BIRC6: variants seen among roughly 807,000 people sequenced by gnomAD.
BIRC6 encodes the protein dual E2 ubiquitin-conjugating enzyme/E3 ubiquitin-protein ligase BIRC6.
BIRC6 carries 98 observed loss-of-function variants against 503.3 expected under a neutral mutation model. The observed-to-expected ratio is 0.19, with a 90% CI of 0.17 to 0.23. The LOEUF is 0.23. Among genes scored for constraint, BIRC6 ranks in the 10% least tolerant of loss-of-function variants. The pLI, the probability that BIRC6 is intolerant of heterozygous loss-of-function variation, is 1.00. For synonymous variants in BIRC6, 2,240 were observed against 2,078.7 expected (o/e 1.08, Z -2.11); for missense variants, 5,360 against 5,806.0 (o/e 0.92, Z 2.50).
intron 29 of BIRC6, 141 bp from the exon 30 acceptor site, chr2:32,469,254 G>A: frequency 1.5e-6 from 1 of 661,930 alleles, no homozygotes; most frequent in South Asian, 2.5e-5. Context: ...CTACATACAA[G>A]GAGTAAATAC....
chr2:32,357,050 G>C lies in BIRC6; in HGVS notation c.-112G>C. 2 of 961,004 alleles carry C rather than the reference G, an allele frequency of 2.1e-6. No homozygotes were observed. Among genetic ancestry groups the C allele is most frequent in the Middle Eastern group, 3.2e-4 (1 of 3,104 alleles). 59.5% of individuals were successfully genotyped at this position (961,004 alleles called of 1,614,324 possible). A position where few individuals can be genotyped will look rare whatever the true frequency, so the allele number is the denominator to read the frequency against. ...CCCTCCCTGCTTCTCCCCCTCTCCC[G>C]TCAGCCTCCCTCCGAGTTTGGCCCC... On this transcript the variant is annotated 5_prime_UTR_variant, in exon 1 of 74. Transcript: ENST00000421745. This position sits in a 1 kb window ranked among gnomAD's most constrained non-coding sequence, Gnocchi z 4.9.
intron 61 of BIRC6, among the ~76,000 whole-genome samples, chr2:32,535,925 G>A (rs527315751): frequency 4.6e-5 from 7 of 152,168 alleles, no homozygotes; most frequent in African/African-American, 9.7e-5. Context: ...CCCACCAACG[G>A]TGTAAAAGTG....
At chr2:32,484,601 A>G (rs1261268791) in intron 39 of BIRC6, among the ~76,000 whole-genome samples, 1 of 151,820 alleles carries the variant, frequency 6.6e-6, no homozygotes, top group Non-Finnish European at 1.5e-5. Context: ...GTAATAGTTT[A>G]TTCGTTCAGT....
At chr2:32,416,709 A>G (rs1263839686) in intron 10 of BIRC6, among the ~76,000 whole-genome samples, 1 of 152,022 alleles carries the variant, frequency 6.6e-6, no homozygotes, top group Non-Finnish European at 1.5e-5. Flanking sequence ...GCAAATTTTG[A>G]AGCACTATAT....
intron 10 of BIRC6, among the ~76,000 whole-genome samples, chr2:32,424,176 T>C (rs1012010614): frequency 6.6e-6 from 1 of 152,174 alleles, no homozygotes; most frequent in African/African-American, 2.4e-5. Flanking sequence ...CATTGTGCTA[T>C]TTTGTTGTTG....
intron 4 of BIRC6, among the ~76,000 whole-genome samples, chr2:32,389,376 T>TG (rs1473331363): frequency 6.9e-6 from 1 of 144,062 alleles, no homozygotes. Flanking sequence ...CATTTTATAA[T>TG]GAAAAAAAAA....
chr2:32,499,083 G>A (rs1168457972), intron 45 of BIRC6, among the ~76,000 whole-genome samples: 1 of 152,140 alleles, frequency 6.6e-6, no homozygotes, highest in East Asian at 1.9e-4. Flanking sequence ...TATATCTTAG[G>A]CATAAACAGA....
At chr2:32,582,526 G>T (rs989904357) in intron 66 of BIRC6, among the ~76,000 whole-genome samples, 3 of 152,164 alleles carry the variant, frequency 2.0e-5, no homozygotes, top group South Asian at 4.1e-4. Context: ...CACTTTGAGA[G>T]GCCGAGGCAG....
chr2:32,518,695 A>G, intron 56 of BIRC6, 122 bp from the exon 57 acceptor site: 1 of 1,201,902 alleles, frequency 8.3e-7, no homozygotes, highest in South Asian at 1.6e-5. Flanking sequence ...TGCCATATCT[A>G]AATTAATTAT....
chr2:32,375,909 G>T (rs1407364408), intron 1 of BIRC6, among the ~76,000 whole-genome samples: 1 of 152,084 alleles, frequency 6.6e-6, no homozygotes, highest in Non-Finnish European at 1.5e-5. Flanking sequence ...GAGATGGCCG[G>T]GCGCAGTGGC....
intron 61 of BIRC6, among the ~76,000 whole-genome samples, chr2:32,542,931 C>T (rs1417308882): frequency 1.3e-5 from 2 of 152,098 alleles, no homozygotes; most frequent in East Asian, 3.9e-4. Flanking sequence ...TCCTGAGTAG[C>T]TGGGACTACA....
At chr2:32,367,423 A>G (rs973210119) in intron 1 of BIRC6, among the ~76,000 whole-genome samples, 1 of 151,516 alleles carries the variant, frequency 6.6e-6, no homozygotes, top group African/African-American at 2.4e-5. Flanking sequence ...AGATTGCACC[A>G]TTGCAATCCG....
intron 15 of BIRC6, among the ~76,000 whole-genome samples, chr2:32,439,282 C>G (rs532233416): frequency 6.6e-6 from 1 of 152,074 alleles, no homozygotes; most frequent in African/African-American, 2.4e-5. Flanking sequence ...CTCAATTAGT[C>G]AAAGATAATG....
intron 25 of BIRC6, 33 bp downstream of exon 25, chr2:32,464,856 A>G: frequency 6.4e-7 from 1 of 1,551,650 alleles, no homozygotes; most frequent in Non-Finnish European, 8.7e-7. Context: ...GTTGGCTTAG[A>G]CATTTAAAAA....
chr2:32,501,676 T>G, intron 46 of BIRC6, 37 bp from the exon 47 acceptor site: 6 of 1,566,024 alleles, frequency 3.8e-6, no homozygotes, highest in Non-Finnish European at 5.2e-6. Context: ...TGGCTGGATA[T>G]ATATACTTTT....
At chr2:32,447,226 A>G in intron 21 of BIRC6, among the ~76,000 whole-genome samples, 1 of 146,798 alleles carries the variant, frequency 6.8e-6, no homozygotes, top group Non-Finnish European at 1.5e-5. Flanking sequence ...ATTCCACAAA[A>G]CCGCCATTGT....
chr2:32,442,149 G>A lies in BIRC6; in HGVS notation c.4029G>A (p.Gln1343=). The part of the protein sequence containing the change: ...NTLCRKTDDG[Q]ITEHAQSLVL... ...TTTGCAGAAAAACAGATGATGGCCA[G>A]ATCACAGAACATGCCCAGAGCCTTG... Residue 1343 remains glutamine, a synonymous_variant, in exon 18 of 74, where the codon CAG becomes CAA. Coordinates refer to ENST00000421745, the MANE Select transcript of BIRC6 (RefSeq NM_016252.4). 3 of 1,610,756 alleles carry A rather than the reference G, an allele frequency of 1.9e-6. No individual in the cohort carries two copies. Among genetic ancestry groups the A allele is most frequent in the Non-Finnish European group, 2.5e-6 (3 of 1,179,050 alleles).
chr2:32,548,508 G>A (rs562231836), intron 64 of BIRC6, among the ~76,000 whole-genome samples: 38 of 151,828 alleles, frequency 2.5e-4, no homozygotes, highest in African/African-American at 3.6e-4. Flanking sequence ...TCAGCCGGGC[G>A]TGGTGGCTCA....
intron 13 of BIRC6, 148 bp from the exon 14 acceptor site, chr2:32,435,348 T>C (rs1401014997): frequency 1.2e-6 from 1 of 821,224 alleles, no homozygotes; most frequent in Non-Finnish European, 1.7e-6. Context: ...GCATCTGTGA[T>C]GAAAATCACA....
Sources: gnomAD v4.1 joint callset for allele counts (sites outside exome capture counted in the v4.1 genomes callset) on GRCh38, gnomAD v4.1.1 for gene constraint, Gnocchi (gnomAD v3.1) non-coding constraint, MANE v1.5 for transcripts, NCBI Gene and HGNC (gene_info 2026-07-23, HGNC 2026-07-21) for gene names.